TRMT11: variants seen among roughly 807,000 people sequenced by gnomAD.
The protein encoded by TRMT11 is tRNA (guanine(10)-N(2))-methyltransferase TRMT11.
Under a neutral mutation model 62.8 loss-of-function variants are expected in TRMT11, and 53 were observed. The observed-to-expected ratio is 0.84, with a 90% CI of 0.68 to 1.06. The LOEUF is 1.06. Ranked by LOEUF, TRMT11 falls within the 50% of genes least tolerant of loss-of-function variation. The probability of loss-of-function intolerance (pLI) is 0.00; values close to 1 mark genes in which losing one functional copy is unlikely to be tolerated. For synonymous variants in TRMT11, 188 were observed against 190.3 expected (o/e 0.99, Z 0.10); for missense variants, 556 against 553.4 (o/e 1.00, Z -0.05).
intron 17 of TRMT11, among the ~76,000 whole-genome samples, chr6:126,083,113 T>C (rs1777176817): frequency 6.6e-6 from 1 of 152,170 alleles, no homozygotes; most frequent in Non-Finnish European, 1.5e-5. Flanking sequence ...TTAAAACCTC[T>C]TCTTGTTTTT....
chr6:126,181,662 T>A (rs987157750), intron 1 of TRMT11, among the ~76,000 whole-genome samples: 2 of 152,188 alleles, frequency 1.3e-5, no homozygotes, highest in Non-Finnish European at 2.9e-5. Context: ...ATTGTGATTA[T>A]GATAGTTAAT....
intron 1 of TRMT11, among the ~76,000 whole-genome samples, chr6:125,990,612 A>G (rs1790450755): frequency 6.6e-6 from 1 of 152,212 alleles, no homozygotes; most frequent in Non-Finnish European, 1.5e-5. Context: ...TATGCCTTCA[A>G]TTAGATGGCC....
At chr6:126,228,655 C>T in the TRMT11 span, among the ~76,000 whole-genome samples, 2 of 152,178 alleles carry the variant, frequency 1.3e-5, no homozygotes, top group Non-Finnish European at 2.9e-5. Flanking sequence ...TGCAGATCTC[C>T]CACAGATAAT....
chr6:126,123,378 A>G (rs1291124459), intron 21 of TRMT11, among the ~76,000 whole-genome samples: 1 of 152,114 alleles, frequency 6.6e-6, no homozygotes, highest in Non-Finnish European at 1.5e-5. Flanking sequence ...TAGTCAAGGA[A>G]CACAGTGCGC....
chr6:126,151,805 C>T (rs1262160697), intron 21 of TRMT11, among the ~76,000 whole-genome samples: 2 of 54,574 alleles, frequency 3.7e-5, no homozygotes, highest in Non-Finnish European at 7.1e-5. Context: ...TCCTCTCTGT[C>T]TTTTCTTTCT....
chr6:126,008,515 G>A (rs768396266), intron 8 of TRMT11, 43 bp downstream of exon 8: 1 of 1,510,956 alleles, frequency 6.6e-7, no homozygotes, highest in Non-Finnish European at 9.2e-7. Context: ...TTGCTGTGGT[G>A]CCAAATGTAC....
intron 17 of TRMT11, among the ~76,000 whole-genome samples, chr6:126,106,402 C>T (rs1777464827): frequency 6.6e-6 from 1 of 152,196 alleles, no homozygotes; most frequent in African/African-American, 2.4e-5. Flanking sequence ...GCCTCGGCCT[C>T]CCAAAGTGCT....
intron 1 of TRMT11, among the ~76,000 whole-genome samples, chr6:126,188,595 T>A (rs1778554373): frequency 6.6e-6 from 1 of 152,140 alleles, no homozygotes; most frequent in African/African-American, 2.4e-5. Flanking sequence ...TGTGATAAAA[T>A]TGTTTCTGGA....
chr6:125,990,851 G>A (rs1237902298), intron 1 of TRMT11, among the ~76,000 whole-genome samples: 4 of 151,796 alleles, frequency 2.6e-5, no homozygotes, highest in Non-Finnish European at 5.9e-5. Context: ...CATTTCAGTT[G>A]TGAGGTGGTT....
chr6:126,227,534 T>G, the TRMT11 span, among the ~76,000 whole-genome samples: 2 of 152,220 alleles, frequency 1.3e-5, no homozygotes, highest in Non-Finnish European at 2.9e-5. Context: ...TATTTGCCGA[T>G]TTAACCATCT....
chr6:126,105,176 A>G (rs1777450310), intron 17 of TRMT11, among the ~76,000 whole-genome samples: 2 of 152,206 alleles, frequency 1.3e-5, no homozygotes, highest in Non-Finnish European at 2.9e-5. Flanking sequence ...TATACAATTG[A>G]AACATTCCAT....
chr6:126,116,286 G>T (rs959220012), intron 21 of TRMT11, among the ~76,000 whole-genome samples: 1 of 151,962 alleles, frequency 6.6e-6, no homozygotes, highest in Non-Finnish European at 1.5e-5. Context: ...AGAATGAAGA[G>T]GTGGACAGAC....
chr6:126,165,373 T>C lies in TRMT11; in HGVS notation c.*1824-9452T>C, dbSNP rs572030450. Among the ~76,000 whole-genome samples, 30 of 152,246 alleles carry C rather than the reference T, an allele frequency of 2.0e-4. 2 individuals carry two copies. The East Asian group carries it at 5.6e-3, about 28-fold the overall frequency. On this transcript the variant is annotated intron_variant and NMD_transcript_variant, in intron 21 of 22. Transcript: ENST00000648977. ...ATTAGTTGATGCAGTATTTTCATAG[T>C]GTTGATGGTCTTTACATTTCAGTAT...
At chr6:126,093,581 G>GTA (rs1562321267) in intron 17 of TRMT11, among the ~76,000 whole-genome samples, 2 of 37,086 alleles carry the variant, frequency 5.4e-5, no homozygotes, top group African/African-American at 9.3e-5. Context: ...AACAGGATAT[G>GTA]TATGTATATA....
Position 126,056,271 on chromosome 6 carries a change from A to G in TRMT11, c.*1437+3081A>G, listed in dbSNP as rs75810125. ...CTAAGGAAGAGAAAACACAGAGCCTAAAACTAAATCCATTAGGCGAGGAGT... is the reference window on the plus strand; with the variant it reads ...CTAAGGAAGAGAAAACACAGAGCCTGAAACTAAATCCATTAGGCGAGGAGT... On this transcript the variant is annotated intron_variant and NMD_transcript_variant, in intron 17 of 22. Coordinates refer to the TRMT11 transcript ENST00000648977. Among the ~76,000 whole-genome samples the G allele has an allele frequency of 1.6e-3, 239 of 152,358 alleles. 3 individuals are homozygous for G. Among genetic ancestry groups the G allele is most frequent in the African/African-American group, 4.9e-3 (202 of 41,584 alleles).
chr6:126,008,479 A>G lies in TRMT11; in HGVS notation c.760+7A>G. ...AACACAGTTCATGGCTTGGGTGAGT[A>G]GAGATTATAGACAGTATTATAGTCA... On this transcript the variant is annotated splice_region_variant and intron_variant, in intron 8 of 12. Coordinates refer to ENST00000334379, the MANE Select transcript of TRMT11 (RefSeq NM_001031712.3). 6.2e-7 allele frequency: 1 copy of G among 1,607,378 alleles called. No individual in the cohort carries two copies. Among genetic ancestry groups the G allele is most frequent in the Non-Finnish European group, 8.5e-7 (1 of 1,174,082 alleles).
chr6:126,038,893 G>A lies in TRMT11; in HGVS notation c.*57G>A, dbSNP rs1447870856. 6.9e-7 allele frequency: 1 copy of A among 1,441,066 alleles called. No homozygotes were observed. Among genetic ancestry groups the A allele is most frequent in the East Asian group, 2.4e-5 (1 of 42,396 alleles). 89.3% of individuals were successfully genotyped at this position (1,441,066 alleles called of 1,614,324 possible). A position where few individuals can be genotyped will look rare whatever the true frequency, so the allele number is the denominator to read the frequency against. On this transcript the variant is annotated 3_prime_UTR_variant, in exon 13 of 13. Coordinates refer to ENST00000334379, the MANE Select transcript of TRMT11 (RefSeq NM_001031712.3). ...AGAATTTGATTTAAAAAGACATCTGGATGTGAACTTTCATGTATGATCCAG... is the reference window on the plus strand; with the variant it reads ...AGAATTTGATTTAAAAAGACATCTGAATGTGAACTTTCATGTATGATCCAG...
chr6:126,189,583 A>G (rs145407407), intron 1 of TRMT11, among the ~76,000 whole-genome samples: 1 of 152,104 alleles, frequency 6.6e-6, no homozygotes, highest in Non-Finnish European at 1.5e-5. Context: ...AAAATGGAGC[A>G]CCTCAGGTTC....
At chr6:126,140,999 G>T (rs992004816) in intron 21 of TRMT11, among the ~76,000 whole-genome samples, 4 of 152,066 alleles carry the variant, frequency 2.6e-5, no homozygotes, top group Non-Finnish European at 5.9e-5. Flanking sequence ...CATGAGGGTA[G>T]TTATATTAAA....
Sources: gnomAD v4.1 joint callset for allele counts (sites outside exome capture counted in the v4.1 genomes callset) on GRCh38, gnomAD v4.1.1 for gene constraint, MANE v1.5 for transcripts, NCBI Gene and HGNC (gene_info 2026-07-23, HGNC 2026-07-21) for gene names.